DMD: variants seen among roughly 807,000 people sequenced by gnomAD.
The protein encoded by DMD is mutant dystrophin.
DMD carries 63 observed loss-of-function variants against 330.1 expected under a neutral mutation model. That is an observed-to-expected ratio of 0.19 (90% CI 0.16 to 0.24). DMD has a LOEUF of 0.24. Ranked by LOEUF, DMD falls within the 10% of genes least tolerant of loss-of-function variation. The probability of loss-of-function intolerance (pLI) is 1.00; values close to 1 mark genes in which losing one functional copy is unlikely to be tolerated. For synonymous variants in DMD, 1,223 were observed against 959.8 expected (o/e 1.27, Z -5.07); for missense variants, 3,344 against 2,684.1 (o/e 1.25, Z -5.43).
intron 7 of DMD, among the ~76,000 whole-genome samples, chrX:32,793,682 A>C (rs2148646996): frequency 8.9e-6 from 1 of 112,020 alleles, no homozygotes; most frequent in African/African-American, 3.2e-5. Context: ...ATTCCCGGAC[A>C]CATACAACCA....
intron 2 of DMD, among the ~76,000 whole-genome samples, chrX:32,968,102 G>A (rs930463191): frequency 8.9e-6 from 1 of 112,143 alleles, no homozygotes; most frequent in African/African-American, 3.2e-5. Context: ...CCAAGAACCA[G>A]TAAGTGTTCA....
intron 2 of DMD, among the ~76,000 whole-genome samples, chrX:32,857,135 G>A (rs1197129574): frequency 9.0e-6 from 1 of 111,601 alleles, no homozygotes; most frequent in African/African-American, 3.3e-5. Context: ...ACATTCTTGA[G>A]GTGACAGATA....
rs1369466597 is a variant in DMD, at chrX:32,138,184, C to T, written c.6438+78732G>A. Among the ~76,000 whole-genome samples the T allele has an allele frequency of 2.7e-5, 3 of 110,778 alleles. No individual in the cohort carries two copies. In the Admixed American group the frequency reaches 2.9e-4, roughly 11 times the overall value. On this transcript the variant is annotated intron_variant, in intron 44 of 78. Transcript: ENST00000357033. ...CTCACATACATCATCTGGAATCACACAACTGAAGCTTCATTTATGACACTG... is the reference window on the plus strand; with the variant it reads ...CTCACATACATCATCTGGAATCACATAACTGAAGCTTCATTTATGACACTG...
chrX:31,989,649 G>A (rs1349148497), intron 44 of DMD, among the ~76,000 whole-genome samples: 8 of 110,397 alleles, frequency 7.2e-5, no homozygotes, highest in Non-Finnish European at 1.9e-5. Flanking sequence ...ATGCTAATAC[G>A]GGGAAAAAAA....
At chrX:32,809,263 T>C (rs113743996) in intron 7 of DMD, among the ~76,000 whole-genome samples, 4 of 111,974 alleles carry the variant, frequency 3.6e-5, no homozygotes, top group African/African-American at 6.5e-5. Context: ...TTTTAAAGGC[T>C]TTTTTCCTAA....
intron 45 of DMD, among the ~76,000 whole-genome samples, chrX:31,951,159 G>GTATGTGTATATA (rs1557025629): frequency 5.6e-5 from 4 of 71,714 alleles, no homozygotes; most frequent in African/African-American, 2.2e-4. Flanking sequence ...ATATATATAT[G>GTATGTGTATATA]TATATATATA....
At chrX:32,978,711 C>A (rs1301921909) in intron 2 of DMD, among the ~76,000 whole-genome samples, 1 of 112,342 alleles carries the variant, frequency 8.9e-6, no homozygotes, top group Non-Finnish European at 1.9e-5. Context: ...TCAAATGATC[C>A]ACCTGTCTGG....
intron 2 of DMD, among the ~76,000 whole-genome samples, chrX:32,865,542 TA>T (rs1305740684): frequency 1.8e-5 from 2 of 112,088 alleles, no homozygotes; most frequent in Admixed American, 1.9e-4. Flanking sequence ...TCTTGGAACG[TA>T]AGTGGACGGA....
intron 43 of DMD, among the ~76,000 whole-genome samples, chrX:32,255,604 A>T (rs1286100546): frequency 8.9e-6 from 1 of 112,165 alleles, no homozygotes; most frequent in Non-Finnish European, 1.9e-5. Flanking sequence ...ATGTCTTCAA[A>T]CAGTTAAAAG....
At chrX:33,236,001 C>T (rs184332578) in intron 1 of DMD, among the ~76,000 whole-genome samples, 1,036 of 96,957 alleles carry the variant, frequency 0.011, 16 homozygotes, top group African/African-American at 0.037. Flanking sequence ...CTGCAAGCTC[C>T]GCCTCCCGGG....
chrX:32,558,536 G>T (rs2050585710), intron 16 of DMD, among the ~76,000 whole-genome samples: 1 of 111,471 alleles, frequency 9.0e-6, no homozygotes, highest in Non-Finnish European at 1.9e-5. Flanking sequence ...TCATAATTAA[G>T]TCTCCTTTGA....
At position 31,228,053 on chromosome X, in the gene DMD, A is replaced by G. The variant is rs1347146054; in HGVS notation, c.9287-4932T>C. Reference sequence around the variant, plus strand: ...ATTCTCACTCATAGGTGGGAATTGAACAATGAGATCACATGGACACAGGAA... The same window carrying G: ...ATTCTCACTCATAGGTGGGAATTGAGCAATGAGATCACATGGACACAGGAA... On this transcript the variant is annotated intron_variant, in intron 63 of 78. Transcript: ENST00000357033. Among the ~76,000 whole-genome samples the G allele has an allele frequency of 2.9e-5, 3 of 102,253 alleles. No individual in the cohort carries two copies. In the East Asian group the frequency reaches 9.3e-4, roughly 32 times the overall value. The allele number at this position is 102,253 out of a possible 115,157, so 88.8% of individuals were successfully genotyped here. A position where few individuals can be genotyped will look rare whatever the true frequency, so the allele number is the denominator to read the frequency against.
intron 55 of DMD, among the ~76,000 whole-genome samples, chrX:31,542,480 T>C (rs978814522): frequency 8.9e-6 from 1 of 112,142 alleles, no homozygotes; most frequent in Non-Finnish European, 1.9e-5. Context: ...CTCTGTGAAA[T>C]AGGGATACTA....
intron 1 of DMD, among the ~76,000 whole-genome samples, chrX:33,218,701 C>A (rs2052105445): frequency 1.8e-5 from 2 of 111,421 alleles, no homozygotes; most frequent in Non-Finnish European, 3.8e-5. Flanking sequence ...ACTTGTTCAA[C>A]AACACCCTCC....
In DMD at chrX:32,393,534, T is replaced by C. The variant is rs1229339391; in HGVS notation, c.4234-3353A>G. Among the ~76,000 whole-genome samples, 2 of 111,845 alleles carry C rather than the reference T, an allele frequency of 1.8e-5. 1 individual carries two copies. The highest frequency in any genetic ancestry group is 3.8e-5 in the Non-Finnish European group (2 of 53,171). ...ACTAAGGAAATTCATAGGGAGGAAATGCGACTGTAAATCAGCAGTATGTTG... is the reference window on the plus strand; with the variant it reads ...ACTAAGGAAATTCATAGGGAGGAAACGCGACTGTAAATCAGCAGTATGTTG... On this transcript the variant is annotated intron_variant, in intron 30 of 78. Coordinates refer to ENST00000357033, the MANE Select transcript of DMD (RefSeq NM_004006.3).
At chrX:33,186,037 G>A (rs1219570428) in intron 1 of DMD, among the ~76,000 whole-genome samples, 6 of 111,549 alleles carry the variant, frequency 5.4e-5, no homozygotes, top group Non-Finnish European at 1.1e-4. Context: ...TTTTGGGGGC[G>A]TGGGGCCAAA....
chrX:32,856,375 C>T (rs2081559355), intron 2 of DMD, among the ~76,000 whole-genome samples: 1 of 111,517 alleles, frequency 9.0e-6, no homozygotes, highest in Non-Finnish European at 1.9e-5. Flanking sequence ...TTATTGCAAC[C>T]CTATTCACAA....
At chrX:31,360,226 TA>T (rs1055186951) in intron 60 of DMD, among the ~76,000 whole-genome samples, 2 of 111,833 alleles carry the variant, frequency 1.8e-5, no homozygotes, top group African/African-American at 3.2e-5. Context: ...GGCATTCAAA[TA>T]TTTTTTTAAT....
chrX:31,242,262 CA>C (rs72176984), intron 63 of DMD, among the ~76,000 whole-genome samples: 35 of 24,641 alleles, frequency 1.4e-3, no homozygotes, highest in African/African-American at 2.0e-3. Flanking sequence ...TCTCAAAAAG[CA>C]AAAAAAAAAA....
Sources: allele counts gnomAD v4.1 joint callset (sites outside exome capture counted in the v4.1 genomes callset), GRCh38; gene constraint gnomAD v4.1.1; transcripts MANE v1.5; gene names NCBI Gene and HGNC (gene_info 2026-07-23, HGNC 2026-07-21).